Variants in ERBB4 observed in about 807,000 individuals in gnomAD.
ERBB4 encodes erb-b2 receptor tyrosine kinase 4.
ERBB4 carries 42 observed loss-of-function variants against 158.0 expected under a neutral mutation model. The ratio of observed to expected loss-of-function variants is 0.27; its 90% CI spans 0.21 to 0.34. The LOEUF (loss-of-function observed/expected upper bound fraction) is 0.34, where lower values mean the gene tolerates loss of function less well. Ranked by LOEUF, ERBB4 falls within the 10% of genes least tolerant of loss-of-function variation. The pLI, the probability that ERBB4 is intolerant of heterozygous loss-of-function variation, is 1.00. For missense variants in ERBB4, 1,333 were observed against 1,624.1 expected, an observed-to-expected ratio of 0.82 and a Z score of 3.08; for synonymous variants, 583 against 558.7, an observed-to-expected ratio of 1.04 and a Z score of -0.61.
At chr2:212,187,748 T>G (rs1575769871) in intron 1 of ERBB4, among the ~76,000 whole-genome samples, 1 of 152,152 alleles carries the variant, frequency 6.6e-6, no homozygotes, top group African/African-American at 2.4e-5. Context: ...TCAGTGGCTG[T>G]AGCTAGTGTT....
At chr2:211,934,812 T>C (rs1014015778) in intron 3 of ERBB4, among the ~76,000 whole-genome samples, 3 of 151,490 alleles carry the variant, frequency 2.0e-5, no homozygotes, top group Non-Finnish European at 4.4e-5. Context: ...AGTAGCCTGA[T>C]AGCATACTTT....
chr2:212,401,712 C>T (rs1339298850), intron 1 of ERBB4, among the ~76,000 whole-genome samples: 2 of 151,864 alleles, frequency 1.3e-5, no homozygotes, highest in African/African-American at 2.4e-5. Context: ...ACATGGATTG[C>T]GTTATTATAT....
intron 3 of ERBB4, among the ~76,000 whole-genome samples, chr2:211,790,427 T>C (rs984953510): frequency 2.0e-5 from 3 of 152,058 alleles, no homozygotes; most frequent in African/African-American, 4.8e-5. Flanking sequence ...ACAGTATCCA[T>C]CTCCAACTTC....
intron 7 of ERBB4, among the ~76,000 whole-genome samples, chr2:211,719,430 A>T (rs944736146): frequency 8.8e-6 from 1 of 113,874 alleles, no homozygotes; most frequent in Non-Finnish European, 1.9e-5. Context: ...TGTACCTGGC[A>T]TGCAAAACTG....
rs557530459 is a variant in ERBB4, at chr2:212,244,251, T to A, written c.83-119348A>T. On this transcript the variant is annotated intron_variant, in intron 1 of 27. Coordinates refer to ENST00000342788, the MANE Select transcript of ERBB4 (RefSeq NM_005235.3). The stretch of plus-strand genomic sequence containing the variant: ...TAATGAAATCATTTTTTTTCCATTG[T>A]AAATCAACCTCATAAGTCCATCCTT... 2.9e-4 allele frequency among the ~76,000 whole-genome samples: 44 copies of A among 152,232 alleles called. 1 individual carries two copies. Among genetic ancestry groups the A allele is most frequent in the Admixed American group, 2.3e-3 (35 of 15,268 alleles).
chr2:211,441,052 C>T (rs2063963032), intron 20 of ERBB4, among the ~76,000 whole-genome samples: 1 of 152,192 alleles, frequency 6.6e-6, no homozygotes, highest in Non-Finnish European at 1.5e-5. Context: ...GCCCTCCTTC[C>T]TCAGGCTTGC....
intron 1 of ERBB4, among the ~76,000 whole-genome samples, chr2:212,240,667 A>AAAAAAAAAAAAAAAAAAAC (rs767678739): frequency 7.8e-6 from 1 of 128,128 alleles, no homozygotes; most frequent in African/African-American, 3.0e-5. Flanking sequence ...AAAAAAAAAA[A>AAAAAAAAAAAAAAAAAAAC]CAGAAAAAAA....
At chr2:212,286,599 T>TTTTTTTTTTTGTTG (rs2085976814) in intron 1 of ERBB4, among the ~76,000 whole-genome samples, 5 of 83,832 alleles carry the variant, frequency 6.0e-5, no homozygotes, top group African/African-American at 1.4e-4. Context: ...GCTGACTTTT[T>TTTTTTTTTTTGTTG]TTTTTTTTTT....
At chr2:212,229,930 C>G (rs1342341674) in intron 1 of ERBB4, among the ~76,000 whole-genome samples, 1 of 152,150 alleles carries the variant, frequency 6.6e-6, no homozygotes, top group Non-Finnish European at 1.5e-5. Flanking sequence ...AAGATTATGA[C>G]TGTTGGCCAA....
chr2:211,518,528 C>A (rs1574656155), intron 20 of ERBB4, among the ~76,000 whole-genome samples: 1 of 151,980 alleles, frequency 6.6e-6, no homozygotes, highest in Non-Finnish European at 1.5e-5. Flanking sequence ...GTGGTGCACA[C>A]CTGTAATCCT....
chr2:211,782,385 A>G (rs1447348277), intron 4 of ERBB4, among the ~76,000 whole-genome samples: 2 of 151,854 alleles, frequency 1.3e-5, no homozygotes, highest in Non-Finnish European at 2.9e-5. Context: ...TGTTATCCTC[A>G]TTTTTGCTTG....
At chr2:211,985,081 A>G (rs1236040268) in intron 2 of ERBB4, among the ~76,000 whole-genome samples, 3 of 152,186 alleles carry the variant, frequency 2.0e-5, no homozygotes, top group Non-Finnish European at 2.9e-5. Context: ...GAAAAATTGT[A>G]TGCATAATCC....
chr2:212,305,318 C>T (rs1390340764), intron 1 of ERBB4, among the ~76,000 whole-genome samples: 1 of 151,384 alleles, frequency 6.6e-6, no homozygotes, highest in Admixed American at 6.6e-5. Flanking sequence ...CTAAACAAGA[C>T]ACTTTGTGAA....
Position 211,718,420 on chromosome 2 carries a change from T to C in ERBB4, c.883+3973A>G, listed in dbSNP as rs1180858646. Among the ~76,000 whole-genome samples the C allele has an allele frequency of 5.3e-5, 8 of 152,312 alleles. 1 individual carries two copies. Among genetic ancestry groups the C allele is most frequent in the South Asian group, 4.1e-4 (2 of 4,828 alleles). On this transcript the variant is annotated intron_variant, in intron 7 of 27. Transcript: ENST00000342788. Reference sequence around the variant, plus strand: ...TTTCAGAATTTTTTGGATTTTGTAATATTTGCATAAACATAATGAAATACC... The same window carrying C: ...TTTCAGAATTTTTTGGATTTTGTAACATTTGCATAAACATAATGAAATACC...
At position 212,379,670 on chromosome 2, in the gene ERBB4, T is replaced by C. The variant is rs1423051282; in HGVS notation, c.82+158779A>G. On this transcript the variant is annotated intron_variant, in intron 1 of 27. Transcript: ENST00000342788. The stretch of plus-strand genomic sequence containing the variant: ...AAAGAAAATGGAAAAAGAAATCAAG[T>C]GGAAATTATCATAACAAAATAAAAG... 2.6e-5 allele frequency among the ~76,000 whole-genome samples: 4 copies of C among 151,550 alleles called. No individual in the cohort carries two copies. In the East Asian group the frequency reaches 5.8e-4, roughly 22 times the overall value.
chr2:211,898,307 G>A (rs900886916), intron 3 of ERBB4, among the ~76,000 whole-genome samples: 2 of 152,020 alleles, frequency 1.3e-5, no homozygotes, highest in Non-Finnish European at 2.9e-5. Context: ...ACAGCACAAA[G>A]AGAATGCCTA....
intron 1 of ERBB4, among the ~76,000 whole-genome samples, chr2:212,324,582 T>C (rs183542856): frequency 8.0e-5 from 12 of 149,770 alleles, no homozygotes; most frequent in African/African-American, 2.7e-4. Context: ...CGGTGAATAA[T>C]AGAATGTGAT....
intron 2 of ERBB4, among the ~76,000 whole-genome samples, chr2:212,074,925 C>T (rs544588965): frequency 2.0e-5 from 3 of 151,956 alleles, no homozygotes; most frequent in South Asian, 2.1e-4. Context: ...ATTTGCTGGT[C>T]GTAGAGGTCC....
intron 20 of ERBB4, among the ~76,000 whole-genome samples, chr2:211,523,548 G>A (rs546508811): frequency 6.3e-4 from 96 of 151,704 alleles, no homozygotes; most frequent in African/African-American, 2.2e-3. Context: ...TGGTGGGTTC[G>A]TGGTCTCCTA....
Sources: allele counts gnomAD v4.1 joint callset (sites outside exome capture counted in the v4.1 genomes callset), GRCh38; gene constraint gnomAD v4.1.1; transcripts MANE v1.5; gene names NCBI Gene and HGNC (gene_info 2026-07-23, HGNC 2026-07-21).